The following TBC1D22A variants were observed in gnomAD, a reference collection of about 807,000 sequenced individuals.
The protein encoded by TBC1D22A is TBC1 domain family member 22A, also known as putative GTPase activator.
TBC1D22A carries 38 observed loss-of-function variants against 60.2 expected under a neutral mutation model. That is an observed-to-expected ratio of 0.63 (90% CI 0.49 to 0.83). TBC1D22A has a LOEUF of 0.83. TBC1D22A is among the 40% of genes least tolerant of loss of function. TBC1D22A has a pLI of 0.00. For missense variants in TBC1D22A, 628 were observed against 701.0 expected (o/e 0.90, Z 1.18); for synonymous variants, 302 against 281.7 (o/e 1.07, Z -0.72).
At chr22:46,891,493 A>G (rs1357502637) in intron 6 of TBC1D22A, 99 bp downstream of exon 6, 2 of 1,339,090 alleles carry the variant, frequency 1.5e-6, no homozygotes, top group African/African-American at 1.5e-5. Flanking sequence ...GGAGTTGGTC[A>G]GAGTTAAAGA....
intron 4 of TBC1D22A, among the ~76,000 whole-genome samples, chr22:46,869,153 C>T (rs2067193725): frequency 6.6e-6 from 1 of 152,196 alleles, no homozygotes; most frequent in South Asian, 2.1e-4. Context: ...TGACATTATT[C>T]CTTTACTGCC....
chr22:47,060,412 G>A (rs868202873), intron 11 of TBC1D22A, among the ~76,000 whole-genome samples: 23 of 151,134 alleles, frequency 1.5e-4, no homozygotes, highest in Admixed American at 2.6e-4. Context: ...CAGCTAATTC[G>A]TTGTTTTTTG....
intron 10 of TBC1D22A, among the ~76,000 whole-genome samples, chr22:47,005,478 A>G (rs766873018): frequency 2.0e-5 from 3 of 151,604 alleles, no homozygotes; most frequent in Non-Finnish European, 4.4e-5. Context: ...ATACACACGC[A>G]TACCTACACA....
chr22:46,893,938 C>T (rs540561482), intron 6 of TBC1D22A, among the ~76,000 whole-genome samples: 33 of 152,338 alleles, frequency 2.2e-4, no homozygotes, highest in African/African-American at 7.5e-4. Context: ...GACAAGGAAA[C>T]TGAGGCCTGG....
chr22:46,894,909 CCAGA>C (rs1395629979), intron 7 of TBC1D22A, 63 bp downstream of exon 7: 4 of 1,572,482 alleles, frequency 2.5e-6, no homozygotes, highest in Non-Finnish European at 2.6e-6. Flanking sequence ...ACTGTGCTAA[CCAGA>C]CAGTGGGCGC....
chr22:47,060,456 A>C (rs1717001790), intron 11 of TBC1D22A, among the ~76,000 whole-genome samples: 1 of 151,624 alleles, frequency 6.6e-6, no homozygotes. Context: ...TCTGAGATGG[A>C]GTCTCGCTCT....
intron 10 of TBC1D22A, among the ~76,000 whole-genome samples, chr22:47,026,737 A>T (rs753701976): frequency 1.3e-5 from 2 of 152,238 alleles, no homozygotes; most frequent in African/African-American, 2.4e-5. Flanking sequence ...CTACAAAACA[A>T]TGCTGAGAGA....
intron 10 of TBC1D22A, among the ~76,000 whole-genome samples, chr22:47,029,515 C>T (rs131949): frequency 0.24 from 35,995 of 152,182 alleles, 4,593 homozygotes; most frequent in East Asian, 0.29. Context: ...CCCTTCCCTT[C>T]ACCCAGGCTC....
chr22:47,154,601 T>C (rs2067639271), intron 12 of TBC1D22A, among the ~76,000 whole-genome samples: 1 of 152,168 alleles, frequency 6.6e-6, no homozygotes, highest in Admixed American at 6.5e-5. Context: ...ACCCCAGCAG[T>C]GCCTGTCCTG....
intron 12 of TBC1D22A, among the ~76,000 whole-genome samples, chr22:47,171,721 G>C (rs992641212): frequency 2.6e-5 from 4 of 152,220 alleles, no homozygotes; most frequent in Non-Finnish European, 5.9e-5. Context: ...GTGGTCATGT[G>C]GGAGGGCGGG....
At chr22:47,123,757 T>G (rs1176899784) in intron 12 of TBC1D22A, among the ~76,000 whole-genome samples, 1 of 152,146 alleles carries the variant, frequency 6.6e-6, no homozygotes. Context: ...AAAGACAAAA[T>G]TGGGTCAATT....
At chr22:47,088,938 C>T (rs1227822278) in intron 11 of TBC1D22A, among the ~76,000 whole-genome samples, 2 of 152,154 alleles carry the variant, frequency 1.3e-5, no homozygotes, top group Non-Finnish European at 2.9e-5. Flanking sequence ...AGACCGCAGT[C>T]CTGCTTGCAG....
chr22:46,769,544 C>T (rs1047918733), intron 1 of TBC1D22A, among the ~76,000 whole-genome samples: 5 of 152,136 alleles, frequency 3.3e-5, no homozygotes, highest in Non-Finnish European at 7.3e-5. Context: ...ACACAGGTCC[C>T]GCTTCCGCCG....
chr22:47,093,187 C>T (rs906115752), intron 11 of TBC1D22A, among the ~76,000 whole-genome samples: 14 of 152,104 alleles, frequency 9.2e-5, no homozygotes, highest in African/African-American at 2.4e-4. Context: ...GCAGGCGGTG[C>T]GGTACTTGTG....
chr22:47,114,029 C>T (rs1033205941), intron 12 of TBC1D22A, among the ~76,000 whole-genome samples: 1 of 152,164 alleles, frequency 6.6e-6, no homozygotes, highest in Non-Finnish European at 1.5e-5. Context: ...ATGCAAGTGA[C>T]AAGGTGCCCT....
At chr22:46,851,152 TAAA>T (rs1403292030) in intron 4 of TBC1D22A, among the ~76,000 whole-genome samples, 1 of 152,150 alleles carries the variant, frequency 6.6e-6, no homozygotes, top group Non-Finnish European at 1.5e-5. Context: ...TATGTCTCAA[TAAA>T]AAAATTCAAA....
intron 10 of TBC1D22A, among the ~76,000 whole-genome samples, chr22:47,008,861 A>T (rs988615189): frequency 6.6e-6 from 1 of 152,232 alleles, no homozygotes; most frequent in African/African-American, 2.4e-5. Flanking sequence ...CCGGGAAGTT[A>T]GAAGGAAATT....
chr22:46,996,468 C>T (rs185684700), intron 9 of TBC1D22A, among the ~76,000 whole-genome samples: 51 of 152,382 alleles, frequency 3.3e-4, no homozygotes, highest in Admixed American at 2.0e-3. Context: ...CCTTTCTCCA[C>T]GGGTGGTTCA....
chr22:46,862,590 C>T (rs113319552), intron 4 of TBC1D22A, among the ~76,000 whole-genome samples: 21 of 152,152 alleles, frequency 1.4e-4, no homozygotes, highest in Admixed American at 8.5e-4. Flanking sequence ...AGCCAGCCAG[C>T]GAGAGCGGGG....
Sources: allele counts gnomAD v4.1 joint callset (sites outside exome capture counted in the v4.1 genomes callset), GRCh38; gene constraint gnomAD v4.1.1; transcripts MANE v1.5; gene names NCBI Gene and HGNC (gene_info 2026-07-23, HGNC 2026-07-21).